Variants in DSG4 observed in about 807,000 individuals in gnomAD.
The protein encoded by DSG4 is desmoglein-4.
DSG4 carries 87 observed loss-of-function variants against 93.1 expected under a neutral mutation model. The observed-to-expected ratio is 0.93, with a 90% CI of 0.79 to 1.12. The LOEUF is 1.12. Ranked by LOEUF, DSG4 falls within the 50% of genes most tolerant of loss-of-function variation. The pLI is 0.00. For missense variants in DSG4, 1,373 were observed against 1,285.7 expected (o/e 1.07, Z -1.04); for synonymous variants, 432 against 452.9 (o/e 0.95, Z 0.59).
intron 8 of DSG4, among the ~76,000 whole-genome samples, chr18:31,394,716 T>A (rs1341090834): frequency 1.3e-5 from 2 of 150,248 alleles, no homozygotes; most frequent in Non-Finnish European, 3.0e-5. Context: ...TAGGAGACAT[T>A]GCCAAATACA....
Position 31,412,960 on chromosome 18 carries a change from G to A in DSG4, c.2488G>A (p.Glu830Lys), listed in dbSNP as rs778506958. 1 of 1,614,190 alleles carries A rather than the reference G, an allele frequency of 6.2e-7. No individual in the cohort carries two copies. Among genetic ancestry groups the A allele is most frequent in the South Asian group, 1.1e-5 (1 of 91,092 alleles). The change falls in exon 16 of 16, where the codon GAA (glutamate) becomes AAA (lysine). Residue 830 changes from glutamate to lysine, a missense_variant. Transcript: ENST00000308128. ...CCSWIVDDLD[E>K]SCMETLDPKF... Reference sequence around the variant, plus strand: ...CAGTTGGATTGTGGATGACTTAGATGAAAGCTGCATGGAAACTTTAGATCC... The same window carrying A: ...CAGTTGGATTGTGGATGACTTAGATAAAAGCTGCATGGAAACTTTAGATCC...
chr18:31,390,050 G>A (rs1019338208), intron 5 of DSG4, among the ~76,000 whole-genome samples: 1 of 152,064 alleles, frequency 6.6e-6, no homozygotes, highest in African/African-American at 2.4e-5. Flanking sequence ...ACATCCTTGG[G>A]GATTTGCCTA....
chr18:31,396,136 T>C (rs1478619522), intron 8 of DSG4, among the ~76,000 whole-genome samples: 1 of 152,040 alleles, frequency 6.6e-6, no homozygotes, highest in Non-Finnish European at 1.5e-5. Context: ...TGTGTATATA[T>C]ATATACATAT....
In DSG4 at chr18:31,406,151, A is replaced by G. The variant is rs777761227; in HGVS notation, c.1711A>G (p.Ser571Gly). The G allele has an allele frequency of 1.2e-6, 2 of 1,614,184 alleles. No homozygotes were observed. The highest frequency in any genetic ancestry group is 1.7e-6 in the Non-Finnish European group (2 of 1,180,032). ...TGAAATCCCAATCCTGGTGAAGGAC[A>G]GCTATAACAGAGCATGTGAATTGGC... Reference protein sequence around the residue: ...FYEIPILVKDSYNRACELAQM... With the variant: ...FYEIPILVKDGYNRACELAQM... Residue 571 changes from serine to glycine, a missense_variant, in exon 12 of 16, where the codon AGC becomes GGC. By Grantham distance (56) the Ser-to-Gly change is moderately conservative (BLOSUM62 0). Transcript: ENST00000308128.
At chr18:31,391,679 A>G (rs2072251420) in intron 7 of DSG4, among the ~76,000 whole-genome samples, 1 of 148,152 alleles carries the variant, frequency 6.7e-6, no homozygotes, top group Non-Finnish European at 1.5e-5. Flanking sequence ...AAAAAACAAA[A>G]AAACAAAACA....
chr18:31,411,090 C>T (rs1452794262), intron 14 of DSG4, 141 bp from the exon 15 acceptor site: 7 of 1,574,570 alleles, frequency 4.4e-6, no homozygotes, highest in Non-Finnish European at 6.0e-6. Flanking sequence ...ATCGGTGTAA[C>T]TTGTATCTCT....
intron 4 of DSG4, 121 bp downstream of exon 4, chr18:31,388,643 G>T: frequency 1.4e-6 from 2 of 1,384,842 alleles, no homozygotes; most frequent in African/African-American, 1.4e-5. Flanking sequence ...CCAAATAGAA[G>T]ACTTGAAGGA....
Position 31,390,471 on chromosome 18 carries a change from T to A in DSG4, c.518-185T>A, listed in dbSNP as rs540342333. Among the ~76,000 whole-genome samples the A allele has an allele frequency of 1.8e-4, 28 of 152,298 alleles. 1 individual carries two copies. The South Asian group carries it at 5.8e-3, about 32-fold the overall frequency. The stretch of plus-strand genomic sequence containing the variant: ...GTACTTTTAAAACAGTAAAGGGTTT[T>A]ATAAAGCAAACCACATTTTTTTTAA... On this transcript the variant is annotated intron_variant, in intron 5 of 15. Coordinates refer to ENST00000308128, the MANE Select transcript of DSG4 (RefSeq NM_177986.5).
In DSG4 at chr18:31,403,584, T is replaced by C. The variant is rs1335566226; in HGVS notation, c.1586T>C (p.Val529Ala). The stretch of plus-strand genomic sequence containing the variant: ...GGGTCTCCGTTTACTTTCTGTGTTG[T>C]TGATGAGCCACCAGGAATAGCTGAC... The part of the protein sequence containing the change: ...SYGSPFTFCV[V>A]DEPPGIADMW... Residue 529 changes from valine (V) to alanine (A), a missense_variant, in exon 11 of 16, where the codon GTT (valine) becomes GCT (alanine). Physicochemically the swap from Val to Ala is moderately conservative, Grantham distance 64. Coordinates refer to ENST00000308128, the MANE Select transcript of DSG4 (RefSeq NM_177986.5). 9 of 1,613,968 alleles carry C rather than the reference T, an allele frequency of 5.6e-6. No individual in the cohort carries two copies. The African/African-American group carries it at 1.2e-4, about 22-fold the overall frequency.
chr18:31,389,305 C>A (rs912267356), intron 5 of DSG4, among the ~76,000 whole-genome samples: 8 of 152,108 alleles, frequency 5.3e-5, no homozygotes, highest in African/African-American at 1.2e-4. Flanking sequence ...TAAATCCAAG[C>A]GAGCAAACTG....
At chr18:31,411,778 T>C (rs1020882520) in intron 15 of DSG4, among the ~76,000 whole-genome samples, 2 of 151,514 alleles carry the variant, frequency 1.3e-5, no homozygotes, top group African/African-American at 4.9e-5. Context: ...AAAATGCTCA[T>C]CAAGGGGAAA....
At chr18:31,411,068 G>A (rs1014593511) in intron 14 of DSG4, 163 bp from the exon 15 acceptor site, 2 of 1,535,282 alleles carry the variant, frequency 1.3e-6, no homozygotes, top group South Asian at 1.2e-5. Flanking sequence ...TGGTCAACAA[G>A]CCTGGAGATG....
rs1220323368 is a variant in DSG4 at position 31,406,285 on chromosome 18, T to C, written c.1845T>C (p.Pro615=). The C allele has an allele frequency of 6.2e-7, 1 of 1,614,232 alleles. No individual in the cohort carries two copies. Among genetic ancestry groups the C allele is most frequent in the Admixed American group, 1.7e-5 (1 of 60,026 alleles). The change falls in exon 12 of 16, where the codon CCT becomes CCC. Residue 615 remains proline, a synonymous_variant. Transcript: ENST00000308128. ...TEDITGDTYG[P]VTEDQAGVSN... The stretch of plus-strand genomic sequence containing the variant: ...ACATAACTGGTGACACGTATGGGCC[T>C]GTCACTGAAGACCAAGCTGGAGTTT...
intron 12 of DSG4, among the ~76,000 whole-genome samples, chr18:31,406,619 C>A (rs1005292276): frequency 1.1e-4 from 17 of 152,104 alleles, no homozygotes; most frequent in Admixed American, 7.9e-4. Flanking sequence ...CATATACTAC[C>A]TAAAAGCACA....
At chr18:31,409,627 T>A in intron 13 of DSG4, 36 bp downstream of exon 13, 1 of 1,613,972 alleles carries the variant, frequency 6.2e-7, no homozygotes, top group Non-Finnish European at 8.5e-7. Flanking sequence ...AAGTGTGGAG[T>A]TTCAGTGGAA....
chr18:31,386,654 A>G, intron 2 of DSG4, 34 bp from the exon 3 acceptor site: 1 of 1,611,822 alleles, frequency 6.2e-7, no homozygotes, highest in Non-Finnish European at 8.5e-7. Flanking sequence ...AATTGTTCTC[A>G]CACTGTAAGA....
chr18:31,404,762 T>C (rs1301838560), intron 11 of DSG4, among the ~76,000 whole-genome samples: 1 of 152,238 alleles, frequency 6.6e-6, no homozygotes, highest in Non-Finnish European at 1.5e-5. Context: ...ATTCCATTAA[T>C]ATCAAGTCAA....
At chr18:31,412,806 C>A (rs771044999) in intron 15 of DSG4, 22 bp from the exon 16 acceptor site, 2 of 1,613,410 alleles carry the variant, frequency 1.2e-6, no homozygotes, top group South Asian at 1.1e-5. Context: ...ATTTCTAATT[C>A]TGTATTTCCT....
chr18:31,398,005 C>A (rs1484687434), intron 8 of DSG4, among the ~76,000 whole-genome samples: 4 of 124,074 alleles, frequency 3.2e-5, no homozygotes, highest in African/African-American at 1.3e-4. Flanking sequence ...CCAGCCTGAG[C>A]GACAGAATGA....
Sources: allele counts gnomAD v4.1 joint callset (sites outside exome capture counted in the v4.1 genomes callset), GRCh38; gene constraint gnomAD v4.1.1; transcripts MANE v1.5; gene names NCBI Gene and HGNC (gene_info 2026-07-23, HGNC 2026-07-21).